The following PTCD3 variants were observed in gnomAD, a reference collection of about 807,000 sequenced individuals.
The protein encoded by PTCD3 is pentatricopeptide repeat domain 3, also known as small ribosomal subunit protein mS39.
Under a neutral mutation model 101.9 loss-of-function variants are expected in PTCD3, and 89 were observed. The ratio of observed to expected loss-of-function variants is 0.87; its 90% confidence interval spans 0.74 to 1.04. The LOEUF (loss-of-function observed/expected upper bound fraction) is 1.04. PTCD3 is among the 50% of genes least tolerant of loss of function. PTCD3 has a pLI of 0.00. For synonymous variants in PTCD3, 296 were observed against 278.5 expected, an observed-to-expected ratio of 1.06 and a Z score of -0.63; for missense variants, 870 against 828.2, an observed-to-expected ratio of 1.05 and a Z score of -0.62.
chr2:86,128,098 G>T, intron 14 of PTCD3, 107 bp downstream of exon 14: 1 of 991,502 alleles, frequency 1.0e-6, no homozygotes, highest in South Asian at 1.4e-5. Flanking sequence ...GAATTAAGAA[G>T]AGAGAATTTG....
chr2:86,141,572 A>AAATT lies in PTCD3; in HGVS notation c.*4015_*4018dup. On this transcript the variant is annotated 3_prime_UTR_variant, in exon 24 of 24. Coordinates refer to ENST00000254630, the MANE Select transcript of PTCD3 (RefSeq NM_017952.6). ...GGTGGTGTGCCTTAAAGACAGTCTA[A>AAATT]AATTAGGTTTTAGTTTGTTACATTA... 1 of 152,192 alleles carries AAATT rather than the reference A, an allele frequency of 6.6e-6. No homozygotes were observed. Among genetic ancestry groups the AAATT allele is most frequent in the East Asian group, 1.9e-4 (1 of 5,202 alleles). The allele number at this position is 152,192 out of a possible 1,614,324, so 9.4% of individuals were successfully genotyped here. A position where few individuals can be genotyped will look rare whatever the true frequency, so the allele number is the denominator to read the frequency against.
chr2:86,108,536 G>A lies in PTCD3; in HGVS notation c.194G>A (p.Trp65Ter), dbSNP rs777373754. The change falls in exon 3 of 24, where the codon TGG becomes TAG. Residue 65 changes from tryptophan to a stop codon, truncating the protein, a stop_gained and splice_region_variant. Transcript: ENST00000254630. LOFTEE classifies it high-confidence loss of function. ...EEVVIPKKKT[W>*]DKVAVLQALA... ...GTAGTAATTCCAAAAAAGAAAACTT[G>A]GTAAGTATTCTATCAGTGTTCATTC... The A allele has an allele frequency of 1.3e-6, 2 of 1,594,282 alleles. No homozygotes were observed. The highest frequency in any genetic ancestry group is 8.5e-7 in the Non-Finnish European group (1 of 1,173,894).
Position 86,116,646 on chromosome 2 carries a change from G to A in PTCD3, c.309+48G>A, listed in dbSNP as rs184020918. 9.8e-5 allele frequency: 130 copies of A among 1,323,264 alleles called. 2 individuals carry two copies. Among genetic ancestry groups the A allele is most frequent in the South Asian group, 9.3e-4 (78 of 83,948 alleles). 82.0% of individuals were successfully genotyped at this position (1,323,264 alleles called of 1,614,324 possible). A position where few individuals can be genotyped will look rare whatever the true frequency, so the allele number is the denominator to read the frequency against. ...CTAGTGTTTTATCTCTCTGGTTTGC[G>A]TACAACAGTACATAAATAATTTAGT... On this transcript the variant is annotated intron_variant, in intron 5 of 23. Coordinates refer to ENST00000254630, the MANE Select transcript of PTCD3 (RefSeq NM_017952.6).
chr2:86,107,329 G>A (rs1673976884), intron 1 of PTCD3: 2 of 410,910 alleles, frequency 4.9e-6, no homozygotes, highest in South Asian at 3.5e-5. Context: ...TGACTTGAAA[G>A]AGTTGATCTC....
chr2:86,109,421 A>T (rs1424010200), intron 3 of PTCD3, among the ~76,000 whole-genome samples: 1 of 144,112 alleles, frequency 6.9e-6, no homozygotes, highest in Admixed American at 6.9e-5. Context: ...AAAAAAAAAG[A>T]CTTGGGTTCA....
At chr2:86,115,834 A>G (rs1307801256) in intron 4 of PTCD3, among the ~76,000 whole-genome samples, 1 of 152,132 alleles carries the variant, frequency 6.6e-6, no homozygotes, top group Non-Finnish European at 1.5e-5. Flanking sequence ...TTCATTCCTC[A>G]GAGGGCACGG....
Position 86,130,835 on chromosome 2 carries a change from G to GT in PTCD3, c.1237+99dup. On this transcript the variant is annotated intron_variant, in intron 15 of 23. Transcript: ENST00000254630. ...GCCTTGTGATCCCTATAGCTTAGAA[G>GT]TATTTTTTTTTTTTTTTAAATAAAT... is the stretch of plus-strand genomic sequence containing the variant. 6.9e-6 allele frequency: 10 copies of GT among 1,457,350 alleles called. No homozygotes were observed. In the African/African-American group the frequency reaches 1.3e-4, roughly 19 times the overall value. 90.3% of individuals were successfully genotyped at this position (1,457,350 alleles called of 1,614,324 possible).
In PTCD3 at chr2:86,108,552, G is replaced by A; in HGVS notation, c.194+16G>A. 2 of 1,587,104 alleles carry A rather than the reference G, an allele frequency of 1.3e-6. No homozygotes were observed. Among genetic ancestry groups the A allele is most frequent in the South Asian group, 2.3e-5 (2 of 86,136 alleles). ...AGAAAACTTGGTAAGTATTCTATCA[G>A]TGTTCATTCAGCAAATGGTTGAGTG... On this transcript the variant is annotated intron_variant, in intron 3 of 23. Transcript: ENST00000254630.
chr2:86,110,006 C>T (rs573150229), intron 3 of PTCD3, among the ~76,000 whole-genome samples: 2 of 152,220 alleles, frequency 1.3e-5, no homozygotes, highest in East Asian at 1.9e-4. Context: ...AAGATGACAC[C>T]AGACACTTTA....
rs544917389 is a variant in PTCD3, at chr2:86,122,184, G to T, written c.654+590G>T. ...GTCCAACAGTAGATGATCAAATGATGATAAAAGTTGTGTGGCCATTGAGCA... is the reference window on the plus strand; with the variant it reads ...GTCCAACAGTAGATGATCAAATGATTATAAAAGTTGTGTGGCCATTGAGCA... On this transcript the variant is annotated intron_variant, in intron 8 of 23. Coordinates refer to ENST00000254630, the MANE Select transcript of PTCD3 (RefSeq NM_017952.6). Among the ~76,000 whole-genome samples the T allele has an allele frequency of 9.8e-5, 15 of 152,318 alleles. No individual in the cohort carries two copies. The South Asian group carries it at 2.9e-3, about 29-fold the overall frequency.
chr2:86,112,247 G>A (rs1196245894), intron 4 of PTCD3, among the ~76,000 whole-genome samples: 2 of 150,692 alleles, frequency 1.3e-5, no homozygotes, highest in African/African-American at 2.4e-5. Context: ...TAGTAGAGAC[G>A]GGGTTTCGCT....
intron 3 of PTCD3, among the ~76,000 whole-genome samples, chr2:86,109,384 G>A (rs1023767556): frequency 6.7e-6 from 1 of 149,218 alleles, no homozygotes; most frequent in Non-Finnish European, 1.5e-5. Flanking sequence ...TCCAGCCTGG[G>A]CGACAGAGCA....
chr2:86,133,285 C>T, intron 18 of PTCD3, 29 bp downstream of exon 18: 1 of 1,613,818 alleles, frequency 6.2e-7, no homozygotes, highest in Non-Finnish European at 8.5e-7. Context: ...TGTTATTTAT[C>T]ATTCTAGATG....
intron 7 of PTCD3, among the ~76,000 whole-genome samples, chr2:86,120,752 A>T (rs563720432): frequency 6.6e-6 from 1 of 152,318 alleles, no homozygotes; most frequent in African/African-American, 2.4e-5. Context: ...AAAATTAGCC[A>T]GGTGCAGTGG....
At chr2:86,124,391 G>A (rs963554093) in intron 9 of PTCD3, among the ~76,000 whole-genome samples, 1 of 152,194 alleles carries the variant, frequency 6.6e-6, no homozygotes, top group Non-Finnish European at 1.5e-5. Flanking sequence ...GTGGGAGGCC[G>A]AGGCAGGTGG....
chr2:86,111,002 A>C, intron 3 of PTCD3, 111 bp from the exon 4 acceptor site: 1 of 978,636 alleles, frequency 1.0e-6, no homozygotes, highest in Non-Finnish European at 1.7e-6. Flanking sequence ...AACCAGCTTC[A>C]GATGAGATCT....
At chr2:86,129,547 C>G (rs1674458435) in intron 14 of PTCD3, among the ~76,000 whole-genome samples, 2 of 152,102 alleles carry the variant, frequency 1.3e-5, no homozygotes, top group South Asian at 2.1e-4. Flanking sequence ...GAGTGTGAGG[C>G]AGGAGGATTG....
chr2:86,122,617 T>C (rs914025410), intron 8 of PTCD3, among the ~76,000 whole-genome samples: 1 of 152,184 alleles, frequency 6.6e-6, no homozygotes, highest in Non-Finnish European at 1.5e-5. Context: ...ACATAGGGTC[T>C]TGCTGTAGTG....
chr2:86,106,471 C>T (rs969099993), intron 1 of PTCD3, 120 bp downstream of exon 1: 1 of 1,002,030 alleles, frequency 1.0e-6, no homozygotes, highest in Non-Finnish European at 1.5e-6. Flanking sequence ...CCTTAACGGT[C>T]GCGTGCCCTT....
Sources: gnomAD v4.1 joint callset for allele counts (sites outside exome capture counted in the v4.1 genomes callset) on GRCh38, gnomAD v4.1.1 for gene constraint, MANE v1.5 for transcripts, NCBI Gene and HGNC (gene_info 2026-07-23, HGNC 2026-07-21) for gene names.